The following CHRNA1 variants were observed in gnomAD, a reference collection of about 807,000 sequenced individuals.
The protein encoded by CHRNA1 is cholinergic receptor nicotinic alpha 1 subunit, also known as acetylcholine receptor subunit alpha.
Under a neutral mutation model 47.1 loss-of-function variants are expected in CHRNA1, and 35 were observed. The ratio of observed to expected loss-of-function variants is 0.74; its 90% CI spans 0.57 to 0.99. The LOEUF (loss-of-function observed/expected upper bound fraction) is 0.99. CHRNA1 is among the 50% of genes least tolerant of loss of function. CHRNA1 has a pLI of 0.00. For missense variants in CHRNA1, 506 were observed against 591.1 expected, an observed-to-expected ratio of 0.86 and a Z score of 1.49; for synonymous variants, 229 against 223.6, an observed-to-expected ratio of 1.02 and a Z score of -0.22.
intron 6 of CHRNA1, among the ~76,000 whole-genome samples, chr2:174,750,455 C>A (rs1201724173): frequency 6.6e-6 from 1 of 152,042 alleles, no homozygotes; most frequent in Non-Finnish European, 1.5e-5. Flanking sequence ...CCATTACAAA[C>A]CGAGAGAGGC....
intron 1 of CHRNA1, among the ~76,000 whole-genome samples, chr2:174,763,578 T>A (rs1193620242): frequency 1.3e-5 from 2 of 152,190 alleles, no homozygotes; most frequent in Non-Finnish European, 2.9e-5. Flanking sequence ...AGTAAACTTT[T>A]ATGTGAAGCA....
At chr2:174,759,229 T>C in intron 3 of CHRNA1, 102 bp downstream of exon 3, 1 of 1,235,300 alleles carries the variant, frequency 8.1e-7, no homozygotes. Context: ...ACTTTCAACA[T>C]TTTGGTATAT....
chr2:174,763,748 T>TA lies in CHRNA1; in HGVS notation c.43+603dup, dbSNP rs201763871. 1.9e-3 allele frequency among the ~76,000 whole-genome samples: 273 copies of TA among 145,544 alleles called. 2 individuals carry two copies. The highest frequency in any genetic ancestry group is 7.7e-3 in the East Asian group (39 of 5,056). ...CCCAAACCTATATATAGTAACATCT[T>TA]AAAAAAAAAAAGTAGGTAGGAATGT... On this transcript the variant is annotated intron_variant, in intron 1 of 8. Transcript: ENST00000348749.
At position 174,747,765 on chromosome 2, in the gene CHRNA1, C is replaced by T; in HGVS notation, c.*359G>A. On this transcript the variant is annotated 3_prime_UTR_variant, in exon 9 of 9. Coordinates refer to ENST00000348749, the MANE Select transcript of CHRNA1 (RefSeq NM_000079.4). ...AACATCAGCAACTCCCTAGTGGTCTCGTGGTTAGACAAAATAAGTAAATAT... is the reference window on the plus strand; with the variant it reads ...AACATCAGCAACTCCCTAGTGGTCTTGTGGTTAGACAAAATAAGTAAATAT... The T allele has an allele frequency of 3.2e-6, 1 of 313,944 alleles. No homozygotes were observed. Among genetic ancestry groups the T allele is most frequent in the Non-Finnish European group, 6.2e-6 (1 of 161,044 alleles). 19.4% of individuals were successfully genotyped at this position (313,944 alleles called of 1,614,324 possible).
intron 7 of CHRNA1, among the ~76,000 whole-genome samples, chr2:174,749,349 T>C (rs747862367): frequency 1.4e-4 from 21 of 152,388 alleles, no homozygotes; most frequent in South Asian, 2.1e-4. Flanking sequence ...CAGTAGCTTC[T>C]TTTGTCAATT....
chr2:174,757,975 CT>C (rs1391741573), intron 3 of CHRNA1: 1 of 1,606,336 alleles, frequency 6.2e-7, no homozygotes, highest in East Asian at 2.2e-5. Context: ...AACAAAGGAA[CT>C]CCCAAAGTCA....
At chr2:174,762,378 T>C (rs1015360229) in intron 1 of CHRNA1, among the ~76,000 whole-genome samples, 1 of 152,158 alleles carries the variant, frequency 6.6e-6, no homozygotes, top group Non-Finnish European at 1.5e-5. Context: ...AATAAACAAA[T>C]ATGCAAATAA....
rs1238337701 is a variant in CHRNA1, at chr2:174,754,430, A to C, written c.345-16T>G. 2 of 1,613,184 alleles carry C rather than the reference A, an allele frequency of 1.2e-6. No individual in the cohort carries two copies. The highest frequency in any genetic ancestry group is 1.3e-5 in the African/African-American group (1 of 74,886). On this transcript the variant is annotated splice_polypyrimidine_tract_variant and intron_variant, in intron 4 of 8. Transcript: ENST00000348749. ...ACCATCTGCACTACAATTGGGATAAAAGAGGAAAATGGCTCCAAGTGACAG... is the reference window on the plus strand; with the variant it reads ...ACCATCTGCACTACAATTGGGATAACAGAGGAAAATGGCTCCAAGTGACAG...
intron 1 of CHRNA1, among the ~76,000 whole-genome samples, chr2:174,763,443 T>C (rs1684135044): frequency 6.6e-6 from 1 of 152,176 alleles, no homozygotes. Context: ...ACTCTGATAT[T>C]GAAAAAAATT....
chr2:174,760,024 G>A (rs1398288682), intron 1 of CHRNA1, among the ~76,000 whole-genome samples: 1 of 152,052 alleles, frequency 6.6e-6, no homozygotes, highest in Non-Finnish European at 1.5e-5. Context: ...ATCTTGGACT[G>A]GCTGCATCAG....
intron 6 of CHRNA1, among the ~76,000 whole-genome samples, chr2:174,751,782 G>A (rs974913534): frequency 2.6e-5 from 4 of 151,420 alleles, no homozygotes; most frequent in Non-Finnish European, 1.5e-5. Flanking sequence ...GGGTTCAAGC[G>A]ATTCTCCTGC....
chr2:174,755,207 G>T (rs1277166753), intron 4 of CHRNA1, among the ~76,000 whole-genome samples: 1 of 151,996 alleles, frequency 6.6e-6, no homozygotes, highest in African/African-American at 2.4e-5. Context: ...TTTAAAGAAC[G>T]ATTTAGAACT....
chr2:174,754,076 C>T, intron 5 of CHRNA1, 143 bp downstream of exon 5: 1 of 814,456 alleles, frequency 1.2e-6, no homozygotes, highest in South Asian at 1.5e-5. Context: ...TTAGTTCTCC[C>T]TTCCCAATCA....
intron 7 of CHRNA1, among the ~76,000 whole-genome samples, chr2:174,749,695 AAG>A (rs1363425692): frequency 1.3e-5 from 2 of 152,226 alleles, no homozygotes; most frequent in Non-Finnish European, 1.5e-5. Flanking sequence ...TCTCTGATCA[AAG>A]AGATTCTTTA....
At chr2:174,752,194 T>C (rs1345060041) in intron 6 of CHRNA1, among the ~76,000 whole-genome samples, 5 of 151,842 alleles carry the variant, frequency 3.3e-5, no homozygotes, top group South Asian at 4.2e-4. Context: ...CAAGACTCCA[T>C]CTCTATTTAT....
chr2:174,751,092 G>A lies in CHRNA1; in HGVS notation c.779-923C>T, dbSNP rs541549018. Among the ~76,000 whole-genome samples, 3 of 152,318 alleles carry A rather than the reference G, an allele frequency of 2.0e-5. No homozygotes were observed. The East Asian group carries it at 5.8e-4, about 29-fold the overall frequency. ...CTGATACAGTGGTTTCACACCACTC[G>A]CTGTCTCATTTTCATATAAGAGGAA... On this transcript the variant is annotated intron_variant, in intron 6 of 8. Transcript: ENST00000348749.
At chr2:174,758,072 C>T in intron 3 of CHRNA1, 1 of 1,613,120 alleles carries the variant, frequency 6.2e-7, no homozygotes, top group Non-Finnish European at 8.5e-7. Flanking sequence ...TTTTCTCAAG[C>T]AGGCAACATC....
intron 7 of CHRNA1, among the ~76,000 whole-genome samples, 155 bp downstream of exon 7, chr2:174,749,791 A>T (rs1183473265): frequency 6.6e-6 from 1 of 152,252 alleles, no homozygotes; most frequent in African/African-American, 2.4e-5. Flanking sequence ...TCCTAAAAAG[A>T]GGCCAAAGAA....
At position 174,747,910 on chromosome 2, in the gene CHRNA1, A is replaced by C. The variant is rs190389610; in HGVS notation, c.*214T>G. The C allele has an allele frequency of 8.0e-5, 47 of 584,614 alleles. No homozygotes were observed. The highest frequency in any genetic ancestry group is 7.5e-4 in the African/African-American group (40 of 53,540). 36.2% of individuals were successfully genotyped at this position (584,614 alleles called of 1,614,324 possible). A position where few individuals can be genotyped will look rare whatever the true frequency, so the allele number is the denominator to read the frequency against. On this transcript the variant is annotated 3_prime_UTR_variant, in exon 9 of 9. Transcript: ENST00000348749. The stretch of plus-strand genomic sequence containing the variant: ...TAGTTTCATTTACTAAAGAGGGTTC[A>C]CTCTTCAGGGAGACAGCAGAACTAA...
Sources: gnomAD v4.1 joint callset for allele counts (sites outside exome capture counted in the v4.1 genomes callset) on GRCh38, gnomAD v4.1.1 for gene constraint, MANE v1.5 for transcripts, NCBI Gene and HGNC (gene_info 2026-07-23, HGNC 2026-07-21) for gene names.